HLA-B: variants seen among roughly 807,000 people sequenced by gnomAD.
HLA-B encodes the protein major histocompatibility complex, class I, B.
In HLA-B, 31 loss-of-function variants were observed where a neutral mutation model predicts 41.5. The ratio of observed to expected loss-of-function variants is 0.75; its 90% confidence interval spans 0.56 to 1.01. The LOEUF is 1.01. HLA-B is among the 50% of genes least tolerant of loss of function. The pLI is 0.00. For synonymous variants in HLA-B, 138 were observed against 189.0 expected (o/e 0.73, Z 2.21); for missense variants, 369 against 457.2 (o/e 0.81, Z 1.76).
Position 31,354,645 on chromosome 6 carries a change from A to AGTAGCTC in HLA-B, c.1026_1032dup (p.Ser345GlufsTer15). 7.1e-7 allele frequency: 1 copy of AGTAGCTC among 1,406,628 alleles called. No individual in the cohort carries two copies. The highest frequency in any genetic ancestry group is 9.4e-7 in the Non-Finnish European group (1 of 1,062,782). 87.1% of individuals were successfully genotyped at this position (1,406,628 alleles called of 1,614,324 possible). A position where few individuals can be genotyped will look rare whatever the true frequency, so the allele number is the denominator to read the frequency against. On this transcript the variant is annotated frameshift_variant, in exon 6 of 8. Coordinates refer to ENST00000412585, the MANE Select transcript of HLA-B (RefSeq NM_005514.8). LOFTEE classifies it high-confidence loss of function. ...CCCCACCACTTACACGCAGCCTGAG[A>AGTAGCTC]GTAGCTCCCTCCTTTTCCACCTGTG... is the stretch of plus-strand genomic sequence containing the variant.
In HLA-B at chr6:31,355,153, G is replaced by A. The variant is rs41542717; in HGVS notation, c.966C>T (p.Val322=). The A allele has an allele frequency of 8.2e-7, 1 of 1,212,746 alleles. No individual in the cohort carries two copies. 75.1% of individuals were successfully genotyped at this position (1,212,746 alleles called of 1,614,324 possible). A position where few individuals can be genotyped will look rare whatever the true frequency, so the allele number is the denominator to read the frequency against. ...TCACAGCAGCGACCACAGCTCCGAT[G>A]ACCACAACTGCTAGGACAGCCAGGC... ...VAGLAVLAVV[V]IGAVVAAVMC... The change falls in exon 5 of 8, where the codon GTC becomes GTT. Residue 322 remains valine, a synonymous_variant. Coordinates refer to ENST00000412585, the MANE Select transcript of HLA-B (RefSeq NM_005514.8).
rs1191502595 is a variant in HLA-B, at chr6:31,356,641, TG to T, written c.343+46del. 7 of 1,358,732 alleles carry T rather than the reference TG, an allele frequency of 5.2e-6. No homozygotes were observed. The East Asian group carries it at 8.3e-5, about 16-fold the overall frequency. 84.2% of individuals were successfully genotyped at this position (1,358,732 alleles called of 1,614,324 possible). On this transcript the variant is annotated intron_variant, in intron 2 of 7. Coordinates refer to ENST00000412585, the MANE Select transcript of HLA-B (RefSeq NM_005514.8). ...GACTCGGGGCGACCCGGGCCGTACGTGGGGGATGGGGAGTCGTGACCTGCGC... is the reference window on the plus strand; with the variant it reads ...GACTCGGGGCGACCCGGGCCGTACGTGGGGATGGGGAGTCGTGACCTGCGC...
chr6:31,355,717 C>T (rs775663668), intron 3 of HLA-B, 125 bp from the exon 4 acceptor site: 5 of 871,782 alleles, frequency 5.7e-6, no homozygotes, highest in Non-Finnish European at 8.8e-6. Flanking sequence ...AGAACCCAGA[C>T]ACCAGCCTGG....
intron 1 of HLA-B, 64 bp from the exon 2 acceptor site, chr6:31,357,021 C>T (rs41552116): frequency 1.1e-6 from 1 of 914,110 alleles, no homozygotes; most frequent in Non-Finnish European, 1.4e-6. Flanking sequence ...TCAGGTCCTG[C>T]GCCCCCGCCT....
rs1002795639 is a variant in HLA-B, at chr6:31,354,183, C to T, written c.*118G>A. ...CCTCCTCACATTATGCTAACAGGGA[C>T]GCAGACACATTCAGGTGCCTTTGCA... On this transcript the variant is annotated 3_prime_UTR_variant, in exon 8 of 8. Coordinates refer to ENST00000412585, the MANE Select transcript of HLA-B (RefSeq NM_005514.8). 13 of 574,290 alleles carry T rather than the reference C, an allele frequency of 2.3e-5. 1 individual carries two copies. The highest frequency in any genetic ancestry group is 3.7e-5 in the Non-Finnish European group (11 of 299,178). 35.6% of individuals were successfully genotyped at this position (574,290 alleles called of 1,614,324 possible).
rs143961508 is a variant in HLA-B at position 31,356,803 on chromosome 6, T to C, written c.228A>G (p.Ile76Met). Residue 76 changes from isoleucine to methionine, a missense_variant, in exon 2 of 8, where the codon ATA becomes ATG. By Grantham distance (10) the Ile-to-Met change is conservative. This residue lies in a region of HLA-B where 113 missense variants were observed against 173.2 expected (regional missense o/e 0.65). Transcript: ENST00000412585. ...CCCAATACTCCGGCCCCTCCTGCTC[T>C]ATCCACGGCGCCCGCGGCTCCTCTC... ...SPREEPRAPW[I>M]EQEGPEYWDR... 3.9e-3 allele frequency: 4,506 copies of C among 1,142,092 alleles called. 905 individuals carry two copies. The East Asian group carries it at 0.12, about 30-fold the overall frequency. 70.7% of individuals were successfully genotyped at this position (1,142,092 alleles called of 1,614,324 possible).
chr6:31,354,746 C>T, intron 5 of HLA-B, 81 bp from the exon 6 acceptor site: 1 of 725,536 alleles, frequency 1.4e-6, no homozygotes. Context: ...AGTCTTGGAC[C>T]CAAAAGGAAT....
In HLA-B at chr6:31,354,494, G is replaced by A; in HGVS notation, c.1078C>T (p.Leu360Phe). 2.3e-6 allele frequency: 3 copies of A among 1,316,384 alleles called. No homozygotes were observed. Among genetic ancestry groups the A allele is most frequent in the Non-Finnish European group, 3.0e-6 (3 of 1,002,324 alleles). The allele number at this position is 1,316,384 out of a possible 1,614,324, so 81.5% of individuals were successfully genotyped here. ...AGAATCTCACCTTTTCAAGCTGTGA[G>A]AGACACATCAGAGCCCTGGGCACTG... ...SDSAQGSDVS[L>F]TA Residue 360 changes from leucine to phenylalanine, a missense_variant, in exon 7 of 8, where the codon CTC becomes TTC. Physicochemically the swap from Leu to Phe is conservative, Grantham distance 22. Around this residue, in one of 6 missense-constraint regions of HLA-B, gnomAD observed 115 missense variants for 78.7 expected, o/e 1.46. Transcript: ENST00000412585.
In HLA-B at chr6:31,355,214, G is replaced by A. The variant is rs2113735718; in HGVS notation, c.905C>T (p.Ser302Phe). ...GCCCACGATGGGGACGGTGGACTGG[G>A]AAGACGGCTCTGGGAAAGGAGGGGA... Reference protein sequence around the residue: ...KPLTLRWEPSSQSTVPIVGIV... With the variant: ...KPLTLRWEPSFQSTVPIVGIV... The change falls in exon 5 of 8, where the codon TCC (serine) becomes TTC (phenylalanine). Residue 302 changes from serine to phenylalanine, a missense_variant. This residue lies in a region of HLA-B where 115 missense variants were observed against 78.7 expected (regional missense o/e 1.46). Transcript: ENST00000412585. 1 of 1,125,794 alleles carries A rather than the reference G, an allele frequency of 8.9e-7. No homozygotes were observed. Among genetic ancestry groups the A allele is most frequent in the Non-Finnish European group, 1.1e-6 (1 of 891,404 alleles). 69.7% of individuals were successfully genotyped at this position (1,125,794 alleles called of 1,614,324 possible). A position where few individuals can be genotyped will look rare whatever the true frequency, so the allele number is the denominator to read the frequency against.
In HLA-B at chr6:31,354,745, C is replaced by A. The variant is rs3819292; in HGVS notation, c.1013-80G>T. 89,750 of 705,278 alleles carry A rather than the reference C, an allele frequency of 0.13. 8,735 individuals are homozygous for A. The highest frequency in any genetic ancestry group is 0.19 in the Middle Eastern group (400 of 2,126). The allele number at this position is 705,278 out of a possible 1,614,324, so 43.7% of individuals were successfully genotyped here. A position where few individuals can be genotyped will look rare whatever the true frequency, so the allele number is the denominator to read the frequency against. Reference sequence around the variant, plus strand: ...CTTAGAGGAACCTCCTAGTCTTGGACCCAAAAGGAATTTCCAGAAGTATGA... The same window carrying A: ...CTTAGAGGAACCTCCTAGTCTTGGAACCAAAAGGAATTTCCAGAAGTATGA... On this transcript the variant is annotated intron_variant, in intron 5 of 7. Coordinates refer to ENST00000412585, the MANE Select transcript of HLA-B (RefSeq NM_005514.8).
chr6:31,356,675 C>G lies in HLA-B; in HGVS notation c.343+13G>C. Reference sequence around the variant, plus strand: ...GGGAGTCGTGACCTGCGCCCCGGGCCGGGGTCACTCACCGGCCTCGCTCTG... The same window carrying G: ...GGGAGTCGTGACCTGCGCCCCGGGCGGGGGTCACTCACCGGCCTCGCTCTG... On this transcript the variant is annotated intron_variant, in intron 2 of 7. Coordinates refer to ENST00000412585, the MANE Select transcript of HLA-B (RefSeq NM_005514.8). The G allele has an allele frequency of 6.8e-7, 1 of 1,462,576 alleles. No homozygotes were observed. The highest frequency in any genetic ancestry group is 9.1e-7 in the Non-Finnish European group (1 of 1,094,320). 90.6% of individuals were successfully genotyped at this position (1,462,576 alleles called of 1,614,324 possible). A position where few individuals can be genotyped will look rare whatever the true frequency, so the allele number is the denominator to read the frequency against.
chr6:31,356,285 GGTGAT>G lies in HLA-B; in HGVS notation c.496_500del (p.Ile166ProfsTer9). On this transcript the variant is annotated frameshift_variant, in exon 3 of 8. Coordinates refer to ENST00000412585, the MANE Select transcript of HLA-B (RefSeq NM_005514.8). LOFTEE classifies it high-confidence loss of function. ...CACGGGCCGCCTCCCACTTGCGCTG[GGTGAT>G]CTGAGCCGCCGTGTCCGCGGCGGTC... The G allele has an allele frequency of 7.3e-7, 1 of 1,368,674 alleles. No homozygotes were observed. Among genetic ancestry groups the G allele is most frequent in the Non-Finnish European group, 9.6e-7 (1 of 1,040,042 alleles). 84.8% of individuals were successfully genotyped at this position (1,368,674 alleles called of 1,614,324 possible).
chr6:31,356,660 AC>A, intron 2 of HLA-B, 27 bp downstream of exon 2: 1 of 1,468,564 alleles, frequency 6.8e-7, no homozygotes, highest in Non-Finnish European at 9.1e-7. Flanking sequence ...GGGAGTCGTG[AC>A]CTGCGCCCCG....
chr6:31,355,909 A>C, intron 3 of HLA-B: 1 of 539,590 alleles, frequency 1.9e-6, no homozygotes, highest in South Asian at 1.9e-5. Flanking sequence ...ACGGTTCCCA[A>C]GGCTGCTGCA....
Position 31,354,470 on chromosome 6 carries a change from G to A in HLA-B, c.*4+9C>T. On this transcript the variant is annotated intron_variant, in intron 7 of 7. Coordinates refer to ENST00000412585, the MANE Select transcript of HLA-B (RefSeq NM_005514.8). The stretch of plus-strand genomic sequence containing the variant: ...CCACCCCACCCACTCTAGACCCCAA[G>A]AATCTCACCTTTTCAAGCTGTGAGA... 9.7e-7 allele frequency: 1 copy of A among 1,028,400 alleles called. No homozygotes were observed. The highest frequency in any genetic ancestry group is 1.3e-6 in the Non-Finnish European group (1 of 777,126). The allele number at this position is 1,028,400 out of a possible 1,614,324, so 63.7% of individuals were successfully genotyped here.
At chr6:31,354,366 CCA>C in intron 7 of HLA-B, 70 bp from the exon 8 acceptor site, 2 of 468,424 alleles carry the variant, frequency 4.3e-6, no homozygotes, top group Non-Finnish European at 7.8e-6. Flanking sequence ...AAACAGCCCA[CCA>C]CACACGCGAA....
chr6:31,356,033 A>T, intron 3 of HLA-B, 134 bp downstream of exon 3: 1 of 471,146 alleles, frequency 2.1e-6, no homozygotes, highest in South Asian at 2.5e-5. Flanking sequence ...GAGGAAACTC[A>T]GGAAAACTCA....
At chr6:31,355,682 G>A in intron 3 of HLA-B, 90 bp from the exon 4 acceptor site, 2 of 1,054,090 alleles carry the variant, frequency 1.9e-6, no homozygotes, top group Non-Finnish European at 2.7e-6. Context: ...GAATGGACAG[G>A]ACACCTGGGG....
chr6:31,354,581 G>T, intron 6 of HLA-B, 52 bp downstream of exon 6: 1 of 1,480,290 alleles, frequency 6.8e-7, no homozygotes, highest in Non-Finnish European at 9.0e-7. Flanking sequence ...CGTGGGACAG[G>T]AGGAATTATG....
Sources: allele counts gnomAD v4.1 joint callset, GRCh38; gene constraint gnomAD v4.1.1; regional missense constraint gnomAD v4.1.1; transcripts MANE v1.5; gene names NCBI Gene and HGNC (gene_info 2026-07-23, HGNC 2026-07-21).